Variants in RAD18 observed in about 807,000 individuals in gnomAD.
RAD18 encodes the protein RAD18 E3 ubiquitin protein ligase, also known as E3 ubiquitin-protein ligase RAD18.
Under a neutral mutation model 60.4 loss-of-function variants are expected in RAD18, and 47 were observed. The observed-to-expected ratio is 0.78, with a 90% CI of 0.62 to 0.99. The LOEUF is 0.99. Among genes scored for constraint, RAD18 ranks in the 50% least tolerant of loss-of-function variants. The probability of loss-of-function intolerance (pLI) is 0.00; values close to 1 mark genes in which losing one functional copy is unlikely to be tolerated. For synonymous variants in RAD18, 225 were observed against 195.5 expected (o/e 1.15, Z -1.26); for missense variants, 640 against 593.3 (o/e 1.08, Z -0.82).
chr3:8,946,007 A>G (rs915907170), intron 4 of RAD18, among the ~76,000 whole-genome samples: 1 of 152,216 alleles, frequency 6.6e-6, no homozygotes, highest in Non-Finnish European at 1.5e-5. Flanking sequence ...TTATAAATTT[A>G]GTGTGTAGTC....
chr3:8,912,920 C>T (rs1233515956), intron 8 of RAD18, among the ~76,000 whole-genome samples: 1 of 152,134 alleles, frequency 6.6e-6, no homozygotes, highest in African/African-American at 2.4e-5. Context: ...ACAGTTAGCA[C>T]ACAGGTAATA....
intron 11 of RAD18, among the ~76,000 whole-genome samples, chr3:8,896,269 A>C (rs1049725653): frequency 6.6e-6 from 1 of 152,254 alleles, no homozygotes; most frequent in African/African-American, 2.4e-5. Flanking sequence ...TCTGAAAAAC[A>C]GCATTGGACT....
At chr3:8,903,438 T>C (rs1389336600) in intron 9 of RAD18, among the ~76,000 whole-genome samples, 1 of 152,206 alleles carries the variant, frequency 6.6e-6, no homozygotes, top group East Asian at 1.9e-4. Flanking sequence ...CTCCTTTTTT[T>C]CTTCACATTT....
At chr3:8,886,020 T>C (rs1939557175) in intron 12 of RAD18, among the ~76,000 whole-genome samples, 2 of 152,184 alleles carry the variant, frequency 1.3e-5, no homozygotes, top group Non-Finnish European at 2.9e-5. Context: ...GTGGGTCAGT[T>C]AGTCAGCATC....
At chr3:8,914,860 C>T (rs1940169996) in intron 7 of RAD18, among the ~76,000 whole-genome samples, 1 of 152,126 alleles carries the variant, frequency 6.6e-6, no homozygotes, top group Admixed American at 6.5e-5. Context: ...AAAACTAGGC[C>T]AGGCGCAGTG....
chr3:8,898,878 A>T lies in RAD18; in HGVS notation c.1322+16T>A, dbSNP rs1575536269. On this transcript the variant is annotated intron_variant, in intron 11 of 12. Transcript: ENST00000264926. ...AAGTAGATATTTAAAATAATCAACT[A>T]CTGCATGTTTCTTACCTATTGCATG... 6.5e-7 allele frequency: 1 copy of T among 1,533,098 alleles called. No individual in the cohort carries two copies. The highest frequency in any genetic ancestry group is 1.4e-5 in the African/African-American group (1 of 72,030). 95.0% of individuals were successfully genotyped at this position (1,533,098 alleles called of 1,614,324 possible).
At chr3:8,902,615 G>A (rs1342954962) in intron 9 of RAD18, 95 bp from the exon 10 acceptor site, 9 of 1,259,212 alleles carry the variant, frequency 7.1e-6, no homozygotes, top group Non-Finnish European at 9.6e-6. Flanking sequence ...ACAAGGGATG[G>A]GCATGGTGGC....
chr3:8,887,349 A>G (rs1190550816), intron 12 of RAD18, among the ~76,000 whole-genome samples: 1 of 152,146 alleles, frequency 6.6e-6, no homozygotes, highest in African/African-American at 2.4e-5. Context: ...AACAGTGGGG[A>G]GGACTATGAT....
intron 10 of RAD18, among the ~76,000 whole-genome samples, chr3:8,901,746 T>G (rs1237338736): frequency 6.6e-6 from 1 of 152,230 alleles, no homozygotes; most frequent in African/African-American, 2.4e-5. Flanking sequence ...CACAATATTG[T>G]GAATGTACTT....
intron 11 of RAD18, among the ~76,000 whole-genome samples, chr3:8,894,759 C>CT (rs71625397): frequency 0.026 from 3,149 of 120,726 alleles, 87 homozygotes; most frequent in Non-Finnish European, 0.032. Flanking sequence ...AGTTTAAGCG[C>CT]TTTTTTTTTT....
chr3:8,958,150 G>A (rs542808904), intron 2 of RAD18, among the ~76,000 whole-genome samples: 2 of 152,154 alleles, frequency 1.3e-5, no homozygotes, highest in Non-Finnish European at 2.9e-5. Flanking sequence ...CCGTGCTGCC[G>A]TCACTGCTAC....
intron 9 of RAD18, among the ~76,000 whole-genome samples, chr3:8,909,903 G>C (rs1940077997): frequency 6.6e-6 from 1 of 152,182 alleles, no homozygotes; most frequent in Non-Finnish European, 1.5e-5. Flanking sequence ...GCATTCAAAG[G>C]CCATCCTAGG....
chr3:8,932,584 G>A (rs1211447144), intron 7 of RAD18, among the ~76,000 whole-genome samples: 1 of 145,386 alleles, frequency 6.9e-6, no homozygotes. Flanking sequence ...TTGAAAAACT[G>A]TATGGCAGGT....
At position 8,936,196 on chromosome 3, in the gene RAD18, CA is replaced by C. The variant is rs1298965678; in HGVS notation, c.705-142del. On this transcript the variant is annotated intron_variant, in intron 6 of 12. Transcript: ENST00000264926. ...TAGATTAAAAAGGGGAGAGAAAAAT[CA>C]AGTTTGTGGATAAAGTTGAGTGTCT... 2.0e-4 allele frequency: 167 copies of C among 844,526 alleles called. 3 individuals are homozygous for C. The South Asian group carries it at 3.3e-3, about 17-fold the overall frequency. The allele number at this position is 844,526 out of a possible 1,614,324, so 52.3% of individuals were successfully genotyped here.
intron 4 of RAD18, among the ~76,000 whole-genome samples, chr3:8,945,956 G>A (rs1384630949): frequency 6.6e-6 from 1 of 152,176 alleles, no homozygotes; most frequent in Non-Finnish European, 1.5e-5. Context: ...AGTTTACAAA[G>A]TGTAAAAGTT....
chr3:8,925,973 C>T (rs1349798035), intron 7 of RAD18, among the ~76,000 whole-genome samples: 1 of 152,072 alleles, frequency 6.6e-6, no homozygotes, highest in Non-Finnish European at 1.5e-5. Context: ...TGGGCAAAAA[C>T]TGGAAGCATT....
intron 11 of RAD18, among the ~76,000 whole-genome samples, chr3:8,892,582 G>A (rs1368863565): frequency 1.3e-5 from 2 of 152,072 alleles, no homozygotes; most frequent in African/African-American, 4.8e-5. Context: ...TTCTGTGTGT[G>A]TGCATGCACA....
Position 8,941,476 on chromosome 3 carries a change from C to T in RAD18, c.595G>A (p.Val199Ile), listed in dbSNP as rs1202502207. ...GAAAATAACTTCCTACCTTTAGTAA[C>T]TTGTTTCAAAGTGGATGTCGAGGGT... ...EPPSTSTLKQ[V>I]TKVDCPVCGV... Residue 199 changes from valine to isoleucine, a missense_variant, in exon 5 of 13, where the codon GTT (valine) becomes ATT (isoleucine). Val to Ile is a conservative substitution (Grantham distance 29). Transcript: ENST00000264926. The T allele has an allele frequency of 3.8e-6, 6 of 1,598,150 alleles. No homozygotes were observed. Among genetic ancestry groups the T allele is most frequent in the Non-Finnish European group, 5.1e-6 (6 of 1,168,662 alleles).
chr3:8,902,752 T>C (rs1575537993), intron 9 of RAD18, among the ~76,000 whole-genome samples: 1 of 151,966 alleles, frequency 6.6e-6, no homozygotes, highest in Non-Finnish European at 1.5e-5. Context: ...ATTAGCCAGG[T>C]GTGGTATCAC....
Sources: allele counts gnomAD v4.1 joint callset (sites outside exome capture counted in the v4.1 genomes callset), GRCh38; gene constraint gnomAD v4.1.1; transcripts MANE v1.5; gene names NCBI Gene and HGNC (gene_info 2026-07-23, HGNC 2026-07-21).